Variants in SYNE1 observed in about 807,000 individuals in gnomAD.
The protein encoded by SYNE1 is nesprin-1.
SYNE1 carries 616 observed loss-of-function variants against 1,111.0 expected under a neutral mutation model. That is an observed-to-expected ratio of 0.55 (90% CI 0.52 to 0.59). SYNE1 has a LOEUF of 0.59. Ranked by LOEUF, SYNE1 falls within the 20% of genes least tolerant of loss-of-function variation. The pLI, the probability that SYNE1 is intolerant of heterozygous loss-of-function variation, is 0.00. For synonymous variants in SYNE1, 3,855 were observed against 3,825.8 expected (o/e 1.01, Z -0.28); for missense variants, 10,006 against 10,417.0 (o/e 0.96, Z 1.72).
chr6:152,605,031 A>AGGGGGG (rs1438732977), intron 3 of SYNE1, among the ~76,000 whole-genome samples: 2 of 56,516 alleles, frequency 3.5e-5, no homozygotes, highest in African/African-American at 9.1e-5. Flanking sequence ...AGAGAGAGAG[A>AGGGGGG]GAGAGGGAGG....
At chr6:152,328,374 A>G (rs1041562505) in intron 78 of SYNE1, among the ~76,000 whole-genome samples, 1 of 132,702 alleles carries the variant, frequency 7.5e-6, no homozygotes, top group Admixed American at 8.0e-5. Flanking sequence ...TTCTCTTCTT[A>G]TTTTATTTTA....
At chr6:152,350,496 C>T in intron 71 of SYNE1, 122 bp downstream of exon 71, 1 of 1,475,598 alleles carries the variant, frequency 6.8e-7, no homozygotes, top group Non-Finnish European at 9.4e-7. Flanking sequence ...ATTAAATATC[C>T]ATCTGAATAA....
Position 152,581,747 on chromosome 6 carries a change from C to A in SYNE1, c.68-41726G>T, listed in dbSNP as rs2099520427. 2.6e-5 allele frequency among the ~76,000 whole-genome samples: 4 copies of A among 152,038 alleles called. No individual in the cohort carries two copies. In the South Asian group the frequency reaches 8.3e-4, roughly 32 times the overall value. ...TGGGGGTTTTGTTAATATTGCAGAC[C>A]CCTGGCTCGCTCCAGACTCACTGAG... On this transcript the variant is annotated intron_variant, in intron 3 of 145. Transcript: ENST00000367255.
At position 152,399,666 on chromosome 6, in the gene SYNE1, C is replaced by T. The variant is rs563120600; in HGVS notation, c.7187G>A (p.Cys2396Tyr). The change falls in exon 48 of 146, where the codon TGC (cysteine) becomes TAC (tyrosine). Residue 2396 changes from cysteine to tyrosine, a missense_variant. This residue lies in a region of SYNE1 where 4,955 missense variants were observed against 5,017.2 expected (regional missense o/e 0.99). Transcript: ENST00000367255. ...IKKHEAVSQL[C>Y]SKTQASLQES... ...CTGCAGGCTGGCCTGGGTTTTGGAG[C>T]ACAACTGGCTCACGGCTTCATGTTT... The T allele has an allele frequency of 1.3e-5, 21 of 1,614,090 alleles. No individual in the cohort carries two copies. The South Asian group carries it at 2.1e-4, about 16-fold the overall frequency.
chr6:152,276,868 ACT>A (rs2093656193), intron 98 of SYNE1, among the ~76,000 whole-genome samples: 1 of 146,208 alleles, frequency 6.8e-6, no homozygotes, highest in Admixed American at 6.8e-5. Flanking sequence ...GGAAGACCAA[ACT>A]CTGCACTCTT....
chr6:152,324,938 CTT>C, intron 81 of SYNE1, 144 bp downstream of exon 81: 2 of 952,784 alleles, frequency 2.1e-6, no homozygotes, highest in Non-Finnish European at 1.6e-6. Context: ...TGTTTCATAA[CTT>C]AATTTTTATG....
At chr6:152,612,007 G>C (rs1007579578) in intron 3 of SYNE1, among the ~76,000 whole-genome samples, 1 of 151,790 alleles carries the variant, frequency 6.6e-6, no homozygotes, top group Admixed American at 6.6e-5. Context: ...AGTGTGTAGA[G>C]GGAAATTTTT....
In SYNE1 at chr6:152,419,671, C is replaced by T; in HGVS notation, c.5319G>A (p.Leu1773=). 6.2e-7 allele frequency: 1 copy of T among 1,613,994 alleles called. No homozygotes were observed. The highest frequency in any genetic ancestry group is 8.5e-7 in the Non-Finnish European group (1 of 1,179,972). The change falls in exon 40 of 146, where the codon CTG becomes CTA. Residue 1773 remains leucine (L), a synonymous_variant. Coordinates refer to ENST00000367255, the MANE Select transcript of SYNE1 (RefSeq NM_182961.4). ...TAATCCAGACAGAAAAGGAAAGCAG[C>T]AGCTCATCAAATTGCTGGTGTTCAG... ...VVAEHQQFDE[L]LLSFSVWIKL...
At chr6:152,321,965 A>G (rs184283570) in intron 82 of SYNE1, 79 bp from the exon 83 acceptor site, 3 of 1,498,530 alleles carry the variant, frequency 2.0e-6, no homozygotes, top group Admixed American at 3.4e-5. Context: ...TATCCAATAC[A>G]TATATAGAAA....
chr6:152,339,452 A>G (rs2096484118), intron 74 of SYNE1, 86 bp from the exon 75 acceptor site: 2 of 1,564,086 alleles, frequency 1.3e-6, no homozygotes, highest in Admixed American at 3.4e-5. Flanking sequence ...TTCTGTTGAC[A>G]TTTCAAAAAT....
chr6:152,353,442 G>A lies in SYNE1; in HGVS notation c.11083-9C>T, dbSNP rs758255035. 27 of 1,614,028 alleles carry A rather than the reference G, an allele frequency of 1.7e-5. No homozygotes were observed. Among genetic ancestry groups the A allele is most frequent in the Middle Eastern group, 1.6e-4 (1 of 6,082 alleles). ...AGGAATTTTATTTGTTCCTATGAAA[G>A]AAAAGAGAAAATTGAATGGTGAAGT... On this transcript the variant is annotated splice_polypyrimidine_tract_variant and intron_variant, in intron 68 of 145. Transcript: ENST00000367255.
chr6:152,229,071 G>T (rs918826689), intron 115 of SYNE1, among the ~76,000 whole-genome samples: 1 of 152,144 alleles, frequency 6.6e-6, no homozygotes, highest in Non-Finnish European at 1.5e-5. Context: ...TTGATTAAGT[G>T]CTTAAATATA....
intron 128 of SYNE1, among the ~76,000 whole-genome samples, chr6:152,188,084 G>C (rs1213539703): frequency 6.6e-6 from 1 of 152,122 alleles, no homozygotes; most frequent in Non-Finnish European, 1.5e-5. Flanking sequence ...CTTCTTAACT[G>C]TACACATTCT....
Position 152,325,143 on chromosome 6 carries a change from G to C in SYNE1, c.15598C>G (p.Gln5200Glu). 6.2e-7 allele frequency: 1 copy of C among 1,614,160 alleles called. No individual in the cohort carries two copies. Among genetic ancestry groups the C allele is most frequent in the African/African-American group, 1.3e-5 (1 of 75,036 alleles). The change falls in exon 81 of 146, where the codon CAG becomes GAG. Residue 5200 changes from glutamine (Q) to glutamate (E), a missense_variant. By Grantham distance (29) the Gln-to-Glu change is conservative (BLOSUM62 2). Coordinates refer to ENST00000367255, the MANE Select transcript of SYNE1 (RefSeq NM_182961.4). Reference sequence around the variant, plus strand: ...TCTTCCAGGATCTTCTCCTGGTCCTGGGCCACAGCTCGAAGGCGTGTCCAG... The same window carrying C: ...TCTTCCAGGATCTTCTCCTGGTCCTCGGCCACAGCTCGAAGGCGTGTCCAG... ...QRWTRLRAVA[Q>E]DQEKILEDAV... is the part of the protein sequence containing the mutation.
chr6:152,275,751 C>A (rs1337920695), intron 98 of SYNE1, among the ~76,000 whole-genome samples: 1 of 151,126 alleles, frequency 6.6e-6, no homozygotes, highest in African/African-American at 2.4e-5. Flanking sequence ...GCAGGTGGTG[C>A]GCGCCTATAG....
chr6:152,628,463 A>T lies in SYNE1; in HGVS notation c.-132T>A. 2 of 878,452 alleles carry T rather than the reference A, an allele frequency of 2.3e-6. No homozygotes were observed. The highest frequency in any genetic ancestry group is 3.8e-5 in the Admixed American group (2 of 52,312). The allele number at this position is 878,452 out of a possible 1,614,324, so 54.4% of individuals were successfully genotyped here. A position where few individuals can be genotyped will look rare whatever the true frequency, so the allele number is the denominator to read the frequency against. On this transcript the variant is annotated 5_prime_UTR_variant, in exon 3 of 146. Coordinates refer to ENST00000367255, the MANE Select transcript of SYNE1 (RefSeq NM_182961.4). ...TCATAAATGAATTCCAGGCCTTTGC[A>T]GCACTCAACAAGGAGGCAGCTCTCC...
In SYNE1 at chr6:152,455,326, G is replaced by A. The variant is rs17082707; in HGVS notation, c.2892+100C>T. The A allele has an allele frequency of 0.057, 75,628 of 1,326,496 alleles. 2,446 individuals are homozygous for A. The highest frequency in any genetic ancestry group is 0.06 in the Non-Finnish European group (58,390 of 971,296). 82.2% of individuals were successfully genotyped at this position (1,326,496 alleles called of 1,614,324 possible). ...CTCTGCTTCCCTGACTCATCTGCCC[G>A]CTCTCCTTCTGTATCAGATCAGCAT... On this transcript the variant is annotated intron_variant, in intron 24 of 145. Transcript: ENST00000367255.
intron 52 of SYNE1, 138 bp from the exon 53 acceptor site, chr6:152,390,590 A>G (rs912931498): frequency 2.0e-5 from 16 of 815,836 alleles, no homozygotes; most frequent in African/African-American, 3.5e-5. Flanking sequence ...TCTGGGCCCT[A>G]TTGCAATATA....
intron 9 of SYNE1, among the ~76,000 whole-genome samples, chr6:152,503,048 G>T (rs1238381963): frequency 6.6e-6 from 1 of 152,114 alleles, no homozygotes; most frequent in Non-Finnish European, 1.5e-5. Context: ...GTGAGATACG[G>T]TATGATTCCT....
Sources: allele counts gnomAD v4.1 joint callset (sites outside exome capture counted in the v4.1 genomes callset), GRCh38; gene constraint gnomAD v4.1.1; regional missense constraint gnomAD v4.1.1; transcripts MANE v1.5; gene names NCBI Gene and HGNC (gene_info 2026-07-23, HGNC 2026-07-21).